Variants in ELFN1 observed in about 807,000 individuals in gnomAD.
ELFN1 encodes the protein protein ELFN1.
ELFN1 carries 6 observed loss-of-function variants against 7.6 expected under a neutral mutation model. That is an observed-to-expected ratio of 0.79 (90% CI 0.43 to 1.56). The LOEUF is 1.56. Among genes scored for constraint, ELFN1 ranks in the 40% most tolerant of loss-of-function variants. The probability of loss-of-function intolerance (pLI) is 0.01; values close to 1 mark genes in which losing one functional copy is unlikely to be tolerated. For missense variants in ELFN1, 1,169 were observed against 1,232.2 expected, an observed-to-expected ratio of 0.95 and a Z score of 0.77; for synonymous variants, 657 against 588.1, an observed-to-expected ratio of 1.12 and a Z score of -1.70.
At chr7:1,712,418 C>T (rs1167415893) in intron 3 of ELFN1, among the ~76,000 whole-genome samples, 1 of 147,312 alleles carries the variant, frequency 6.8e-6, no homozygotes, top group African/African-American at 2.5e-5. Context: ...CGGTGCCCAG[C>T]CTTCTTTCCT....
chr7:1,714,896 G>A (rs1420026174), intron 3 of ELFN1, among the ~76,000 whole-genome samples: 1 of 152,218 alleles, frequency 6.6e-6, no homozygotes, highest in East Asian at 1.9e-4. Flanking sequence ...CTGGTACACA[G>A]CCTAAGGGGG....
At chr7:1,685,455 A>G (rs1296014017) in intron 1 of ELFN1, among the ~76,000 whole-genome samples, 1 of 152,078 alleles carries the variant, frequency 6.6e-6, no homozygotes, top group Admixed American at 6.6e-5. Flanking sequence ...ATGCTAGTGC[A>G]CTTGATGTCT....
At chr7:1,733,554 C>A (rs1780368808) in intron 3 of ELFN1, among the ~76,000 whole-genome samples, 2 of 152,122 alleles carry the variant, frequency 1.3e-5, no homozygotes, top group African/African-American at 4.8e-5. Context: ...ACATCCTGGT[C>A]ACTGAGCAAA....
intron 2 of ELFN1, among the ~76,000 whole-genome samples, chr7:1,698,119 C>T (rs1453095584): frequency 6.6e-6 from 1 of 152,216 alleles, no homozygotes; most frequent in African/African-American, 2.4e-5. Flanking sequence ...TCTAGGTATC[C>T]TTTTTTTCAT....
At chr7:1,728,419 C>T (rs111923999) in intron 3 of ELFN1, among the ~76,000 whole-genome samples, 1,525 of 152,352 alleles carry the variant, frequency 0.01, 23 homozygotes, top group African/African-American at 0.035. Flanking sequence ...CTCTGAGATG[C>T]GGAGGGTTTG....
chr7:1,706,708 C>G (rs1779537548), intron 2 of ELFN1, among the ~76,000 whole-genome samples: 1 of 152,194 alleles, frequency 6.6e-6, no homozygotes. Context: ...CACCTTCACC[C>G]CTATAAAGTG....
chr7:1,727,684 C>T (rs1780234425), intron 3 of ELFN1, among the ~76,000 whole-genome samples: 1 of 152,164 alleles, frequency 6.6e-6, no homozygotes, highest in Non-Finnish European at 1.5e-5. Flanking sequence ...TCATGGCTCA[C>T]TGTAGCCTCC....
chr7:1,704,482 C>T (rs112404198), intron 2 of ELFN1, among the ~76,000 whole-genome samples: 23 of 152,158 alleles, frequency 1.5e-4, no homozygotes, highest in Non-Finnish European at 2.8e-4. Flanking sequence ...CGTGCTCACA[C>T]ACAGCCAGAC....
intron 1 of ELFN1, among the ~76,000 whole-genome samples, chr7:1,671,188 A>G (rs1317727073): frequency 6.6e-6 from 1 of 150,496 alleles, no homozygotes; most frequent in Non-Finnish European, 1.5e-5. Context: ...CCCCATAAAA[A>G]CGACACCCTC....
At chr7:1,711,575 T>TGAGAGAGAGAGAGAGAGAGA (rs55658122) in intron 3 of ELFN1, among the ~76,000 whole-genome samples, 1 of 87,544 alleles carries the variant, frequency 1.1e-5, no homozygotes, top group African/African-American at 4.7e-5. Context: ...AGCGAGAGAG[T>TGAGAGAGAGAGAGAGAGAGA]GAGAGAGAGA....
At position 1,735,035 on chromosome 7, in the gene ELFN1, C is replaced by G. The variant is rs921195385; in HGVS notation, c.-293-9269C>G. On this transcript the variant is annotated intron_variant, in intron 3 of 3. Coordinates refer to ENST00000424383, the MANE Select transcript of ELFN1 (RefSeq NM_001128636.4). This position sits in a 1 kb window ranked among gnomAD's most constrained non-coding sequence, Gnocchi z 5.9. ...TTAAGTAGCAGTGGAGTGCTGTTGCCGCCTTCCTGGGCCTTGCCGTGGGGG... is the reference window on the plus strand; with the variant it reads ...TTAAGTAGCAGTGGAGTGCTGTTGCGGCCTTCCTGGGCCTTGCCGTGGGGG... 6.6e-6 allele frequency among the ~76,000 whole-genome samples: 1 copy of G among 152,130 alleles called. No homozygotes were observed. The highest frequency in any genetic ancestry group is 2.1e-4 in the South Asian group (1 of 4,828).
chr7:1,726,747 T>C (rs541188222), intron 3 of ELFN1, among the ~76,000 whole-genome samples: 2 of 152,154 alleles, frequency 1.3e-5, no homozygotes, highest in Non-Finnish European at 2.9e-5. Flanking sequence ...GGAGGGGCCG[T>C]CGTCCCAGCC....
At position 1,735,492 on chromosome 7, in the gene ELFN1, G is replaced by A. The variant is rs1284514078; in HGVS notation, c.-293-8812G>A. 5.3e-5 allele frequency among the ~76,000 whole-genome samples: 8 copies of A among 152,076 alleles called. No individual in the cohort carries two copies. The highest frequency in any genetic ancestry group is 1.0e-4 in the Non-Finnish European group (7 of 67,988). ...AGGGGCCTGCTAGACCCAACCCTGC[G>A]GCCATGTCCCCAGGAGCCAGCCCCG... is the stretch of plus-strand genomic sequence containing the variant. On this transcript the variant is annotated intron_variant, in intron 3 of 3. Transcript: ENST00000424383. This position sits in a 1 kb window ranked among gnomAD's most constrained non-coding sequence, Gnocchi z 5.9.
At chr7:1,728,585 C>G (rs1175745235) in intron 3 of ELFN1, among the ~76,000 whole-genome samples, 5 of 152,244 alleles carry the variant, frequency 3.3e-5, no homozygotes, top group Non-Finnish European at 7.3e-5. Context: ...TCAGACCCCC[C>G]ACCTTTCCTT....
At chr7:1,723,450 G>A (rs770152539) in intron 3 of ELFN1, among the ~76,000 whole-genome samples, 3 of 152,224 alleles carry the variant, frequency 2.0e-5, no homozygotes, top group Admixed American at 6.5e-5. Context: ...TGGCTGGGAG[G>A]CGTATTTGTG....
intron 1 of ELFN1, among the ~76,000 whole-genome samples, chr7:1,681,246 C>T (rs1778970188): frequency 6.6e-6 from 1 of 152,246 alleles, no homozygotes; most frequent in Non-Finnish European, 1.5e-5. Flanking sequence ...TTATCCAAAA[C>T]ACATGCAGAG....
intron 3 of ELFN1, among the ~76,000 whole-genome samples, chr7:1,741,142 A>AG (rs1780600489): frequency 6.6e-6 from 1 of 151,426 alleles, no homozygotes; most frequent in Non-Finnish European, 1.5e-5. Context: ...AAAAAAAAAA[A>AG]AAAAAAGAAG....
intron 3 of ELFN1, among the ~76,000 whole-genome samples, chr7:1,743,726 G>T (rs992297442): frequency 2.0e-5 from 3 of 152,206 alleles, no homozygotes; most frequent in African/African-American, 7.2e-5. Context: ...TGCGGACCCT[G>T]CGGTGAGTGC....
intron 2 of ELFN1, among the ~76,000 whole-genome samples, chr7:1,690,887 T>A (rs1252348233): frequency 1.3e-5 from 2 of 152,036 alleles, no homozygotes; most frequent in Admixed American, 1.3e-4. Context: ...GGATGATGAA[T>A]GGATGAATGG....
Sources: gnomAD v4.1 joint callset for allele counts (sites outside exome capture counted in the v4.1 genomes callset) on GRCh38, gnomAD v4.1.1 for gene constraint, Gnocchi (gnomAD v3.1) non-coding constraint, MANE v1.5 for transcripts, NCBI Gene and HGNC (gene_info 2026-07-23, HGNC 2026-07-21) for gene names.